SLC38A1: variants seen among roughly 807,000 people sequenced by gnomAD.
SLC38A1 encodes the protein sodium-coupled neutral amino acid symporter 1.
Under a neutral mutation model 60.3 loss-of-function variants are expected in SLC38A1, and 18 were observed. The observed-to-expected ratio is 0.30, with a 90% confidence interval of 0.21 to 0.44. The LOEUF (loss-of-function observed/expected upper bound fraction) is 0.44, where lower values mean the gene tolerates loss of function less well. Ranked by LOEUF, SLC38A1 falls within the 20% of genes least tolerant of loss-of-function variation. The pLI is 1.00. For missense variants in SLC38A1, 448 were observed against 587.2 expected (o/e 0.76, Z 2.45); for synonymous variants, 196 against 212.1 (o/e 0.92, Z 0.66).
chr12:46,207,345 G>A (rs1215755015), intron 7 of SLC38A1, 109 bp from the exon 8 acceptor site: 1 of 1,085,872 alleles, frequency 9.2e-7, no homozygotes, highest in East Asian at 2.5e-5. Flanking sequence ...AAGACACAAA[G>A]GCAACTTCAG....
In SLC38A1 at chr12:46,246,074, G is replaced by A. The variant is rs144280646; in HGVS notation, c.-208-2760C>T. On this transcript the variant is annotated intron_variant, in intron 1 of 16. Transcript: ENST00000398637. ...CAAATAGGAACAGCTCCCTTCTGCA[G>A]CTCCCAGCGTGAACAAAGCAGAAGA... Among the ~76,000 whole-genome samples, 186 of 152,310 alleles carry A rather than the reference G, an allele frequency of 1.2e-3. 2 individuals are homozygous for A. Among genetic ancestry groups the A allele is most frequent in the African/African-American group, 4.0e-3 (166 of 41,576 alleles).
chr12:46,211,105 A>T (rs751102124), intron 5 of SLC38A1, among the ~76,000 whole-genome samples: 5 of 152,368 alleles, frequency 3.3e-5, no homozygotes, highest in Admixed American at 2.0e-4. Flanking sequence ...ATGTCAAAGA[A>T]GCAAGCTTTC....
At chr12:46,245,606 C>G (rs1235344633) in intron 1 of SLC38A1, among the ~76,000 whole-genome samples, 1 of 152,160 alleles carries the variant, frequency 6.6e-6, no homozygotes, top group African/African-American at 2.4e-5. Context: ...ACACAGTAAT[C>G]CCACTTCTGG....
intron 16 of SLC38A1, among the ~76,000 whole-genome samples, chr12:46,191,223 G>A (rs1939132096): frequency 6.6e-6 from 1 of 152,166 alleles, no homozygotes; most frequent in Admixed American, 6.5e-5. Flanking sequence ...TGTCAGGTTT[G>A]TCAAAGATCA....
intron 1 of SLC38A1, among the ~76,000 whole-genome samples, chr12:46,259,498 C>A (rs976651063): frequency 1.3e-5 from 2 of 152,156 alleles, no homozygotes; most frequent in Admixed American, 6.5e-5. Flanking sequence ...AAAGTCAACA[C>A]TCAAAACTCA....
chr12:46,250,110 C>G (rs1385651455), intron 1 of SLC38A1, among the ~76,000 whole-genome samples: 3 of 152,116 alleles, frequency 2.0e-5, no homozygotes, highest in Non-Finnish European at 2.9e-5. Context: ...CAAATAAAAT[C>G]CAGGAGCACA....
chr12:46,261,148 A>G (rs193215644), intron 1 of SLC38A1, among the ~76,000 whole-genome samples: 102 of 152,328 alleles, frequency 6.7e-4, no homozygotes, highest in African/African-American at 2.4e-3. Context: ...TAACTTAAGT[A>G]TGACCTTTCT....
intron 16 of SLC38A1, among the ~76,000 whole-genome samples, chr12:46,191,231 T>C (rs547223472): frequency 1.3e-5 from 2 of 152,348 alleles, no homozygotes; most frequent in African/African-American, 4.8e-5. Flanking sequence ...TTGTCAAAGA[T>C]CAGATGGTTG....
intron 13 of SLC38A1, among the ~76,000 whole-genome samples, chr12:46,199,788 C>T (rs998657670): frequency 2.0e-5 from 3 of 152,100 alleles, no homozygotes; most frequent in African/African-American, 7.2e-5. Context: ...GTAATTTCCC[C>T]TCCTGTCTCC....
intron 5 of SLC38A1, among the ~76,000 whole-genome samples, chr12:46,213,098 C>CT (rs571732204): frequency 1.3e-5 from 2 of 152,300 alleles, no homozygotes; most frequent in South Asian, 4.1e-4. Flanking sequence ...CTCAACCATC[C>CT]TTTTTAAAGG....
chr12:46,236,875 G>A (rs1489927913), intron 3 of SLC38A1, among the ~76,000 whole-genome samples: 3 of 152,124 alleles, frequency 2.0e-5, no homozygotes. Flanking sequence ...GTTTCCAAGT[G>A]TTTCATACAC....
intron 3 of SLC38A1, among the ~76,000 whole-genome samples, chr12:46,232,381 G>T (rs1048895567): frequency 6.6e-6 from 1 of 152,208 alleles, no homozygotes; most frequent in Admixed American, 6.5e-5. Flanking sequence ...AAAAGCCTAA[G>T]AAATAATATA....
intron 5 of SLC38A1, among the ~76,000 whole-genome samples, chr12:46,226,036 A>G (rs1940850440): frequency 6.6e-6 from 1 of 152,242 alleles, no homozygotes; most frequent in South Asian, 2.1e-4. Flanking sequence ...ACATAATCAA[A>G]GCAATTTAAA....
At chr12:46,248,927 C>A (rs111685809) in intron 1 of SLC38A1, among the ~76,000 whole-genome samples, 1 of 152,006 alleles carries the variant, frequency 6.6e-6, no homozygotes, top group Non-Finnish European at 1.5e-5. Flanking sequence ...GAGGCCGAGG[C>A]GGGCAGATCA....
rs149147049 is a variant in SLC38A1, at chr12:46,209,901, C to T, written c.315-774G>A. On this transcript the variant is annotated intron_variant, in intron 5 of 16. Transcript: ENST00000398637. ...TTCTGAAACATTTGGTTAAAACAGA[C>T]ATGATAATTGAAAATAAAGCCTATT... Among the ~76,000 whole-genome samples the T allele has an allele frequency of 7.2e-4, 109 of 152,010 alleles. 1 individual carries two copies. The highest frequency in any genetic ancestry group is 2.6e-3 in the African/African-American group (107 of 41,442).
chr12:46,252,553 T>G (rs1412900171), intron 1 of SLC38A1, among the ~76,000 whole-genome samples: 3 of 151,790 alleles, frequency 2.0e-5, no homozygotes, highest in African/African-American at 4.8e-5. Context: ...ATTAATTTAT[T>G]TAAAAATAAT....
chr12:46,206,530 A>G (rs938608310), intron 8 of SLC38A1, among the ~76,000 whole-genome samples: 2 of 152,204 alleles, frequency 1.3e-5, no homozygotes, highest in Middle Eastern at 3.2e-3. Flanking sequence ...CTGGGCTAGT[A>G]TCAGTGAGAA....
intron 9 of SLC38A1, among the ~76,000 whole-genome samples, chr12:46,205,576 T>C (rs1939859772): frequency 6.6e-6 from 1 of 152,174 alleles, no homozygotes; most frequent in Non-Finnish European, 1.5e-5. Flanking sequence ...CAAATGGATA[T>C]GACTTGGAGA....
intron 3 of SLC38A1, among the ~76,000 whole-genome samples, chr12:46,237,611 G>A (rs1196527622): frequency 6.6e-6 from 1 of 151,842 alleles, no homozygotes. Context: ...AGCTCATCCA[G>A]GCAAGGTGCC....
Sources: allele counts gnomAD v4.1 joint callset (sites outside exome capture counted in the v4.1 genomes callset), GRCh38; gene constraint gnomAD v4.1.1; transcripts MANE v1.5; gene names NCBI Gene and HGNC (gene_info 2026-07-23, HGNC 2026-07-21).